The following RAB8A variants were observed in gnomAD, a reference collection of about 807,000 sequenced individuals.
RAB8A encodes ras-related protein Rab-8A.
In RAB8A, 5 loss-of-function variants were observed where a neutral mutation model predicts 29.2. The ratio of observed to expected loss-of-function variants is 0.17; its 90% CI spans 0.09 to 0.36. RAB8A has a LOEUF of 0.36. RAB8A is among the 10% of genes least tolerant of loss of function. RAB8A has a pLI of 1.00. For missense variants in RAB8A, 171 were observed against 272.2 expected, an observed-to-expected ratio of 0.63 and a Z score of 2.62; for synonymous variants, 108 against 99.9, an observed-to-expected ratio of 1.08 and a Z score of -0.49.
intron 1 of RAB8A, chr19:16,112,738 T>C (rs1218273210): frequency 6.6e-6 from 1 of 152,466 alleles, no homozygotes; most frequent in African/African-American, 2.4e-5. Flanking sequence ...CCATTCCTGC[T>C]CTTTTCTCTG....
chr19:16,118,315 T>G, intron 2 of RAB8A, 29 bp downstream of exon 2: 1 of 1,597,022 alleles, frequency 6.3e-7, no homozygotes, highest in Non-Finnish European at 8.6e-7. Flanking sequence ...TGTCATTCTC[T>G]CCACCTGGCA....
rs376481629 is a variant in RAB8A at position 16,112,053 on chromosome 19, C to T, written c.124+28C>T. 85 of 1,611,186 alleles carry T rather than the reference C, an allele frequency of 5.3e-5. No homozygotes were observed. In the African/African-American group the frequency reaches 1.1e-3, roughly 20 times the overall value. On this transcript the variant is annotated intron_variant, in intron 1 of 7. Transcript: ENST00000300935. ...AACGGGACCGGGGAATGGCTGGGGG[C>T]GCCGGAGGCCCGGGCTGGGCGCGCC...
chr19:16,124,592 C>A (rs930692939), intron 3 of RAB8A: 1 of 152,296 alleles, frequency 6.6e-6, no homozygotes, highest in Admixed American at 6.5e-5. Context: ...GGGCACTCCA[C>A]AAGGACATCG....
At chr19:16,128,952 CTG>C (rs1016723369) in intron 6 of RAB8A, among the ~76,000 whole-genome samples, 2 of 152,236 alleles carry the variant, frequency 1.3e-5, no homozygotes, top group African/African-American at 4.8e-5. Flanking sequence ...CCCGCCATCT[CTG>C]TATGTCCCCT....
chr19:16,127,967 G>T lies in RAB8A; in HGVS notation c.415-59G>T, dbSNP rs762339409. 1 of 1,576,872 alleles carries T rather than the reference G, an allele frequency of 6.3e-7. No homozygotes were observed. Among genetic ancestry groups the T allele is most frequent in the Non-Finnish European group, 8.7e-7 (1 of 1,146,380 alleles). On this transcript the variant is annotated intron_variant, in intron 5 of 7. Transcript: ENST00000300935. The surrounding 1 kb of genome is among the most constrained non-coding windows in gnomAD (Gnocchi z 4.8). ...GCCCTGCCTTCAGCTCCTGTTTTAG[G>T]CAAGCTCAGATGCGCCCGGCGGCTG...
intron 6 of RAB8A, among the ~76,000 whole-genome samples, 191 bp from the exon 7 acceptor site, chr19:16,129,363 A>T (rs890548557): frequency 1.1e-4 from 16 of 151,028 alleles, no homozygotes; most frequent in African/African-American, 3.9e-4. Context: ...GGTGGGTGGG[A>T]GGCAGAGGGA....
intron 1 of RAB8A, chr19:16,112,384 C>A (rs2090828518): frequency 4.0e-6 from 1 of 249,692 alleles, no homozygotes; most frequent in South Asian, 5.3e-5. Flanking sequence ...GAAACTGAGT[C>A]ATGGGGAATT....
At chr19:16,114,551 A>ATTTTTTTTT (rs758614217) in intron 1 of RAB8A, among the ~76,000 whole-genome samples, 1 of 117,762 alleles carries the variant, frequency 8.5e-6, no homozygotes, top group Non-Finnish European at 1.8e-5. Context: ...TAATTTTTGT[A>ATTTTTTTTT]TTTTTTTTTT....
rs781047043 is a variant in RAB8A at position 16,112,002 on chromosome 19, A to G, written c.101A>G (p.Asn34Ser). ...TTCCGCTTCTCCGAGGACGCCTTCA[A>G]CTCCACTTTTATCTCCACCATAGGT... ...VLFRFSEDAF[N>S]STFISTIGID... Residue 34 changes from asparagine (N) to serine (S), a missense_variant, in exon 1 of 8, where the codon AAC becomes AGC. Transcript: ENST00000300935. 1 of 1,613,612 alleles carries G rather than the reference A, an allele frequency of 6.2e-7. No homozygotes were observed. The highest frequency in any genetic ancestry group is 1.3e-5 in the African/African-American group (1 of 74,884).
In RAB8A at chr19:16,125,430, T is replaced by A. The variant is rs1323757844; in HGVS notation, c.247-40T>A. ...CCGCTGAGGCCTCCCTTCCAGAGCC[T>A]GCAGCCGATCAGGCACCTGTGTCTT... On this transcript the variant is annotated intron_variant, in intron 3 of 7. Coordinates refer to ENST00000300935, the MANE Select transcript of RAB8A (RefSeq NM_005370.5). This position sits in a 1 kb window ranked among gnomAD's most constrained non-coding sequence, Gnocchi z 5.0. The A allele has an allele frequency of 6.3e-7, 1 of 1,577,590 alleles. No individual in the cohort carries two copies. Among genetic ancestry groups the A allele is most frequent in the Non-Finnish European group, 8.7e-7 (1 of 1,148,744 alleles).
chr19:16,112,006 C>T lies in RAB8A; in HGVS notation c.105C>T (p.Ser35=). 6.2e-7 allele frequency: 1 copy of T among 1,614,024 alleles called. No individual in the cohort carries two copies. Among genetic ancestry groups the T allele is most frequent in the Non-Finnish European group, 8.5e-7 (1 of 1,179,888 alleles). ...GCTTCTCCGAGGACGCCTTCAACTC[C>T]ACTTTTATCTCCACCATAGGTAACG... is the stretch of plus-strand genomic sequence containing the variant. ...LFRFSEDAFN[S]TFISTIGIDF... Residue 35 remains serine (S), a synonymous_variant, in exon 1 of 8, where the codon TCC becomes TCT. Transcript: ENST00000300935.
At chr19:16,123,782 G>A (rs1186593128) in intron 3 of RAB8A, 3 of 151,996 alleles carry the variant, frequency 2.0e-5, no homozygotes, top group Non-Finnish European at 4.4e-5. Context: ...AGACCCTTGG[G>A]CCTCAAAATC....
intron 7 of RAB8A, 129 bp downstream of exon 7, chr19:16,129,733 G>A: frequency 1.1e-6 from 1 of 907,200 alleles, no homozygotes; most frequent in African/African-American, 1.6e-5. Flanking sequence ...GGACATTGCT[G>A]GGAAAGGGGG....
intron 6 of RAB8A, among the ~76,000 whole-genome samples, chr19:16,129,323 C>T (rs1326036421): frequency 3.3e-5 from 5 of 151,452 alleles, no homozygotes; most frequent in East Asian, 2.0e-4. Context: ...AGGTGCTCTG[C>T]GGAAGTGAGA....
At position 16,125,885 on chromosome 19, in the gene RAB8A, T is replaced by C; in HGVS notation, c.324+338T>C. Reference sequence around the variant, plus strand: ...GAGAAGGAAGGGTCTAGCACAGGTGTGACCCTTGTAGTTGGAGGGTGTGGT... The same window carrying C: ...GAGAAGGAAGGGTCTAGCACAGGTGCGACCCTTGTAGTTGGAGGGTGTGGT... On this transcript the variant is annotated intron_variant, in intron 4 of 7. Coordinates refer to ENST00000300935, the MANE Select transcript of RAB8A (RefSeq NM_005370.5). The surrounding 1 kb of genome is among the most constrained non-coding windows in gnomAD (Gnocchi z 5.0). The C allele has an allele frequency of 2.3e-6, 1 of 426,732 alleles. No individual in the cohort carries two copies. Among genetic ancestry groups the C allele is most frequent in the Non-Finnish European group, 4.4e-6 (1 of 225,378 alleles). The allele number at this position is 426,732 out of a possible 1,614,324, so 26.4% of individuals were successfully genotyped here.
chr19:16,127,400 TC>T lies in RAB8A; in HGVS notation c.325-35del. The T allele has an allele frequency of 7.3e-7, 1 of 1,374,820 alleles. No homozygotes were observed. The highest frequency in any genetic ancestry group is 2.6e-5 in the East Asian group (1 of 39,004). 85.2% of individuals were successfully genotyped at this position (1,374,820 alleles called of 1,614,324 possible). ...TGGCAGAGGCACCTGGCCTGTGTCA[TC>T]CGGTCTGATCCCCCGTCTGTCCCCC... On this transcript the variant is annotated intron_variant, in intron 4 of 7. Coordinates refer to ENST00000300935, the MANE Select transcript of RAB8A (RefSeq NM_005370.5). This position sits in a 1 kb window ranked among gnomAD's most constrained non-coding sequence, Gnocchi z 4.8.
In RAB8A at chr19:16,127,135, C is replaced by T. The variant is rs909919416; in HGVS notation, c.325-302C>T. 3.0e-5 allele frequency: 7 copies of T among 234,428 alleles called. No homozygotes were observed. Among genetic ancestry groups the T allele is most frequent in the Non-Finnish European group, 5.0e-5 (6 of 121,208 alleles). The allele number at this position is 234,428 out of a possible 1,614,324, so 14.5% of individuals were successfully genotyped here. A position where few individuals can be genotyped will look rare whatever the true frequency, so the allele number is the denominator to read the frequency against. On this transcript the variant is annotated intron_variant, in intron 4 of 7. Transcript: ENST00000300935. This position sits in a 1 kb window ranked among gnomAD's most constrained non-coding sequence, Gnocchi z 4.8. ...CTCACTCACCTCCCATAGGCTAGAC[C>T]CGCCCAGCATCCCAGGTGCGGGGGC... is the stretch of plus-strand genomic sequence containing the variant.
In RAB8A at chr19:16,122,359, T is replaced by C. The variant is rs148209665; in HGVS notation, c.246+549T>C. Among the ~76,000 whole-genome samples the C allele has an allele frequency of 1.5e-3, 229 of 152,208 alleles. No homozygotes were observed. The highest frequency in any genetic ancestry group is 5.4e-3 in the African/African-American group (224 of 41,528). ...GAAGGCGGCCAGGGATGGGACGAGG[T>C]CCTGTGTCAGGGGCCCTGTGTGTAC... On this transcript the variant is annotated intron_variant, in intron 3 of 7. Coordinates refer to ENST00000300935, the MANE Select transcript of RAB8A (RefSeq NM_005370.5). This position sits in a 1 kb window ranked among gnomAD's most constrained non-coding sequence, Gnocchi z 4.7.
chr19:16,131,193 A>G (rs528136803), intron 7 of RAB8A, among the ~76,000 whole-genome samples: 29 of 152,232 alleles, frequency 1.9e-4, no homozygotes, highest in Admixed American at 9.2e-4. Flanking sequence ...GGGCTCAAGC[A>G]GTTCTTCTGC....
Sources: allele counts gnomAD v4.1 joint callset (sites outside exome capture counted in the v4.1 genomes callset), GRCh38; gene constraint gnomAD v4.1.1; non-coding constraint Gnocchi (gnomAD v3.1); transcripts MANE v1.5; gene names NCBI Gene and HGNC (gene_info 2026-07-23, HGNC 2026-07-21).